Variants in ASTN2 observed in about 807,000 individuals in gnomAD.
ASTN2 encodes astrotactin 2, also known as astrotactin-2.
In ASTN2, 54 loss-of-function variants were observed where a neutral mutation model predicts 139.8. That is an observed-to-expected ratio of 0.39 (90% CI 0.31 to 0.48). The LOEUF (loss-of-function observed/expected upper bound fraction) is 0.48, where lower values mean the gene tolerates loss of function less well. Among genes scored for constraint, ASTN2 ranks in the 20% least tolerant of loss-of-function variants. The pLI, the probability that ASTN2 is intolerant of heterozygous loss-of-function variation, is 0.95. For synonymous variants in ASTN2, 756 were observed against 719.5 expected (o/e 1.05, Z -0.81); for missense variants, 1,565 against 1,725.1 (o/e 0.91, Z 1.64).
intron 19 of ASTN2, chr9:116,540,606 T>C (rs1255600222): frequency 1.3e-5 from 2 of 152,198 alleles, no homozygotes; most frequent in Non-Finnish European, 2.9e-5. Context: ...GCCTTCATGA[T>C]CGTCTGTGTG....
In ASTN2 at chr9:116,725,750, CAGT is replaced by C. The variant is rs1828603433; in HGVS notation, c.2806+18_2806+20del. ...CTATAGCCTGCCTGGCCACCTCCTA[CAGT>C]AGGCACTCCGGGCTTACCTTTCTGA... is the stretch of plus-strand genomic sequence containing the variant. On this transcript the variant is annotated intron_variant, in intron 16 of 22. Transcript: ENST00000313400. 1 of 1,608,182 alleles carries C rather than the reference CAGT, an allele frequency of 6.2e-7. No homozygotes were observed. The highest frequency in any genetic ancestry group is 1.7e-5 in the Admixed American group (1 of 59,762).
Position 117,226,609 on chromosome 9 carries a change from GTTTGT to G in ASTN2, c.631-11872_631-11868del, listed in dbSNP as rs1435780726. Among the ~76,000 whole-genome samples, 6 of 120,018 alleles carry G rather than the reference GTTTGT, an allele frequency of 5.0e-5. No individual in the cohort carries two copies. The East Asian group carries it at 5.9e-4, about 12-fold the overall frequency. 78.7% of individuals were successfully genotyped at this position (120,018 alleles called of 152,430 possible). A position where few individuals can be genotyped will look rare whatever the true frequency, so the allele number is the denominator to read the frequency against. On this transcript the variant is annotated intron_variant, in intron 2 of 22. Transcript: ENST00000313400. ...ATAAAGCGGGTTTGTTTGTTTGTTTGTTTGTTTTTTTAACAGGGTGGCCATAGCAA... is the reference window on the plus strand; with the variant it reads ...ATAAAGCGGGTTTGTTTGTTTGTTTGTTTTTTAACAGGGTGGCCATAGCAA...
chr9:117,224,483 A>G (rs1301778791), intron 2 of ASTN2, among the ~76,000 whole-genome samples: 2 of 152,276 alleles, frequency 1.3e-5, no homozygotes, highest in Non-Finnish European at 2.9e-5. Flanking sequence ...TCCCAGCTGC[A>G]TTCCTCCCAT....
At chr9:116,861,232 C>T (rs1394879475) in intron 11 of ASTN2, among the ~76,000 whole-genome samples, 1 of 151,026 alleles carries the variant, frequency 6.6e-6, no homozygotes, top group Non-Finnish European at 1.5e-5. Flanking sequence ...CACACACACA[C>T]ACACACACAC....
rs1833861668 is a variant in ASTN2, at chr9:116,895,566, G to A, written c.1890-31833C>T. Among the ~76,000 whole-genome samples, 3 of 152,194 alleles carry A rather than the reference G, an allele frequency of 2.0e-5. No individual in the cohort carries two copies. The South Asian group carries it at 6.2e-4, about 32-fold the overall frequency. ...CTGGATCCTGGAAGGCTTTCTGAAAGGAGTTTGGTAGTAGTATCCTATCAA... is the reference window on the plus strand; with the variant it reads ...CTGGATCCTGGAAGGCTTTCTGAAAAGAGTTTGGTAGTAGTATCCTATCAA... On this transcript the variant is annotated intron_variant, in intron 10 of 22. Transcript: ENST00000313400.
At chr9:116,800,465 C>A (rs1045631052) in intron 13 of ASTN2, among the ~76,000 whole-genome samples, 1 of 151,136 alleles carries the variant, frequency 6.6e-6, no homozygotes, top group Non-Finnish European at 1.5e-5. Flanking sequence ...CACATGCTCG[C>A]CCCCCAGAAC....
At chr9:117,111,438 A>AG in intron 4 of ASTN2, among the ~76,000 whole-genome samples, 1 of 29,242 alleles carries the variant, frequency 3.4e-5, no homozygotes, top group East Asian at 4.5e-3. Context: ...GTATAAAATA[A>AG]AAAAAAAAAC....
At chr9:116,530,121 A>T (rs1257331870) in intron 19 of ASTN2, among the ~76,000 whole-genome samples, 5 of 46,368 alleles carry the variant, frequency 1.1e-4, no homozygotes, top group African/African-American at 4.9e-4. Context: ...ATATATATAT[A>T]TATATATATA....
intron 16 of ASTN2, among the ~76,000 whole-genome samples, chr9:116,661,093 G>A (rs1290051129): frequency 6.6e-6 from 1 of 152,112 alleles, no homozygotes. Context: ...GGGACCCCTG[G>A]ACACTGCCCA....
intron 19 of ASTN2, chr9:116,612,185 A>G (rs1279565981): frequency 1.3e-5 from 2 of 152,192 alleles, no homozygotes; most frequent in Non-Finnish European, 1.5e-5. Context: ...TCCTAAATAT[A>G]TATGCACCCA....
chr9:117,120,678 C>T (rs1049246859), intron 4 of ASTN2, among the ~76,000 whole-genome samples: 8 of 152,194 alleles, frequency 5.3e-5, no homozygotes, highest in African/African-American at 1.4e-4. Flanking sequence ...TGGAAGAATC[C>T]TCCTCTCATT....
intron 16 of ASTN2, among the ~76,000 whole-genome samples, chr9:116,712,612 A>T (rs1334191799): frequency 6.6e-6 from 1 of 152,174 alleles, no homozygotes; most frequent in Non-Finnish European, 1.5e-5. Flanking sequence ...CTGAATCATT[A>T]AGTCTAGCTG....
intron 1 of ASTN2, among the ~76,000 whole-genome samples, chr9:117,406,356 T>C (rs1830988535): frequency 6.6e-6 from 1 of 152,180 alleles, no homozygotes; most frequent in Non-Finnish European, 1.5e-5. Flanking sequence ...AGTCAGACCT[T>C]GGCACTGTTT....
intron 20 of ASTN2, among the ~76,000 whole-genome samples, chr9:116,484,590 G>A (rs1214150064): frequency 1.3e-5 from 2 of 152,120 alleles, no homozygotes; most frequent in African/African-American, 4.8e-5. Flanking sequence ...GAGGAGAGCC[G>A]CCAATGGGAT....
intron 19 of ASTN2, among the ~76,000 whole-genome samples, chr9:116,565,205 G>T: frequency 8.0e-6 from 1 of 124,942 alleles, no homozygotes. Flanking sequence ...AAATCCTTAG[G>T]CTTGCCACAA....
chr9:116,694,866 A>T (rs1860763804), intron 16 of ASTN2, among the ~76,000 whole-genome samples: 1 of 151,922 alleles, frequency 6.6e-6, no homozygotes, highest in Non-Finnish European at 1.5e-5. Flanking sequence ...TCCACATCAG[A>T]CCTCATACGC....
At chr9:117,260,169 C>G (rs1238143319) in intron 2 of ASTN2, among the ~76,000 whole-genome samples, 1 of 152,102 alleles carries the variant, frequency 6.6e-6, no homozygotes, top group African/African-American at 2.4e-5. Flanking sequence ...AACATCAAAG[C>G]TAGCCACCCC....
chr9:117,388,893 A>G (rs368622590), intron 1 of ASTN2, among the ~76,000 whole-genome samples: 14 of 152,318 alleles, frequency 9.2e-5, no homozygotes, highest in African/African-American at 2.9e-4. Context: ...TATAAATATG[A>G]CATCAGTCAC....
intron 16 of ASTN2, among the ~76,000 whole-genome samples, chr9:116,655,262 T>C (rs889591729): frequency 6.6e-6 from 1 of 152,204 alleles, no homozygotes; most frequent in Non-Finnish European, 1.5e-5. Flanking sequence ...TCTGTAGACA[T>C]TACAATTGCA....
Sources: allele counts gnomAD v4.1 joint callset (sites outside exome capture counted in the v4.1 genomes callset), GRCh38; gene constraint gnomAD v4.1.1; transcripts MANE v1.5; gene names NCBI Gene and HGNC (gene_info 2026-07-23, HGNC 2026-07-21).